The following CHEK2 variants were observed in gnomAD, a reference collection of about 807,000 sequenced individuals.
CHEK2 encodes serine/threonine-protein kinase Chk2.
CHEK2 carries 71 observed loss-of-function variants against 69.1 expected under a neutral mutation model. The ratio of observed to expected loss-of-function variants is 1.03; its 90% CI spans 0.85 to 1.25. CHEK2 has a LOEUF of 1.25. Among genes scored for constraint, CHEK2 ranks in the 50% most tolerant of loss-of-function variants. CHEK2 has a pLI of 0.00. For synonymous variants in CHEK2, 189 were observed against 226.9 expected (o/e 0.83, Z 1.50); for missense variants, 664 against 649.6 (o/e 1.02, Z -0.24).
At chr22:28,693,784 G>A (rs533792260) in intron 13 of CHEK2, among the ~76,000 whole-genome samples, 2 of 152,156 alleles carry the variant, frequency 1.3e-5, no homozygotes, top group Admixed American at 6.5e-5. Context: ...ACTTGAACCC[G>A]GGGGCCAGAG....
chr22:28,729,990 C>T (rs535422800), intron 2 of CHEK2, among the ~76,000 whole-genome samples: 4 of 151,368 alleles, frequency 2.6e-5, no homozygotes, highest in African/African-American at 9.7e-5. Context: ...CAGGCTCCTG[C>T]CACCACGCCC....
At chr22:28,734,821 A>T (rs2054346795) in intron 1 of CHEK2, 94 bp from the exon 2 acceptor site, 1 of 950,558 alleles carries the variant, frequency 1.1e-6, no homozygotes, top group Admixed American at 2.6e-5. Flanking sequence ...ACAGCAAAAG[A>T]AAAGAAAAAA....
At chr22:28,730,772 C>A (rs1458836122) in intron 2 of CHEK2, among the ~76,000 whole-genome samples, 1 of 151,992 alleles carries the variant, frequency 6.6e-6, no homozygotes, top group Non-Finnish European at 1.5e-5. Flanking sequence ...GCAGGAGAAT[C>A]GCTTGAAACC....
chr22:28,700,505 C>T (rs888312618), intron 8 of CHEK2, among the ~76,000 whole-genome samples: 11 of 152,036 alleles, frequency 7.2e-5, no homozygotes, highest in African/African-American at 2.4e-4. Context: ...CATAAGCCAC[C>T]GCACCCAGTC....
At chr22:28,699,978 A>G (rs2145846035) in intron 8 of CHEK2, 41 bp from the exon 9 acceptor site, 5 of 1,361,974 alleles carry the variant, frequency 3.7e-6, no homozygotes, top group Non-Finnish European at 4.2e-6. Context: ...TTCCTGGGGG[A>G]AAACGCACTT....
At chr22:28,711,856 G>T (rs2145947417) in intron 6 of CHEK2, 53 bp downstream of exon 6, 2 of 1,161,492 alleles carry the variant, frequency 1.7e-6, no homozygotes, top group Admixed American at 1.7e-5. Flanking sequence ...ATTATTTTGG[G>T]AAGTTATGAA....
intron 2 of CHEK2, among the ~76,000 whole-genome samples, chr22:28,728,929 G>C (rs1025829068): frequency 1.2e-4 from 18 of 151,954 alleles, no homozygotes; most frequent in African/African-American, 4.4e-4. Context: ...AGTGAAACGT[G>C]ATAGTGGGTA....
At chr22:28,696,833 T>C in intron 10 of CHEK2, 68 bp downstream of exon 10, 2 of 1,034,524 alleles carry the variant, frequency 1.9e-6, no homozygotes, top group Admixed American at 1.7e-5. Context: ...CACTTTTTAT[T>C]TGAGGAATTA....
chr22:28,692,602 C>T (rs9625533), intron 13 of CHEK2, among the ~76,000 whole-genome samples: 87,435 of 152,004 alleles, frequency 0.58, 26,112 homozygotes, highest in South Asian at 0.74. Flanking sequence ...AAGTACGGGT[C>T]GGAGGCTGGA....
At chr22:28,691,044 T>C (rs1237722026) in intron 13 of CHEK2, among the ~76,000 whole-genome samples, 3 of 151,868 alleles carry the variant, frequency 2.0e-5, no homozygotes, top group Non-Finnish European at 4.4e-5. Context: ...AGCAAGCTCA[T>C]CTGGATTCTA....
intron 1 of CHEK2, among the ~76,000 whole-genome samples, chr22:28,737,005 T>C (rs1470664717): frequency 2.0e-5 from 3 of 151,664 alleles, no homozygotes; most frequent in Non-Finnish European, 4.4e-5. Flanking sequence ...CAAAGTAACA[T>C]CCACTGCTGA....
rs587780181 is a variant in CHEK2 at position 28,734,461 on chromosome 22, C to CTCCTCAGGTTCTTGG, written c.246_260dup (p.Asp82_Glu86dup). ...ATCGAGCCCAGGGGGCAGGGGTAGG[C>CTCCTCAGGTTCTTGG]TCCTCAGGTTCTTGGTCCTCAGGTT... is the stretch of plus-strand genomic sequence containing the variant. On this transcript the variant is annotated inframe_insertion, in exon 2 of 15. Transcript: ENST00000404276. The CTCCTCAGGTTCTTGG allele has an allele frequency of 1.4e-5, 23 of 1,614,070 alleles. No individual in the cohort carries two copies. Among genetic ancestry groups the CTCCTCAGGTTCTTGG allele is most frequent in the East Asian group, 2.2e-5 (1 of 44,870 alleles).
At chr22:28,707,942 T>C (rs2053216650) in intron 7 of CHEK2, among the ~76,000 whole-genome samples, 1 of 147,356 alleles carries the variant, frequency 6.8e-6, no homozygotes. Flanking sequence ...GTTCACGCCA[T>C]TCTCCTGCCT....
chr22:28,734,822 A>AAAC, intron 1 of CHEK2, 95 bp from the exon 2 acceptor site: 3 of 950,414 alleles, frequency 3.2e-6, no homozygotes, highest in Non-Finnish European at 4.7e-6. Context: ...CAGCAAAAGA[A>AAAC]AAGAAAAAAA....
intron 8 of CHEK2, among the ~76,000 whole-genome samples, chr22:28,702,644 T>C (rs2052931770): frequency 6.6e-6 from 1 of 151,252 alleles, no homozygotes; most frequent in Non-Finnish European, 1.5e-5. Context: ...CCTCCCGGGT[T>C]CAAGCTATTC....
intron 2 of CHEK2, among the ~76,000 whole-genome samples, chr22:28,731,887 A>G (rs1040250741): frequency 6.6e-6 from 1 of 151,704 alleles, no homozygotes; most frequent in Non-Finnish European, 1.5e-5. Context: ...CACCATTTCT[A>G]TTTCTCACTC....
intron 13 of CHEK2, among the ~76,000 whole-genome samples, chr22:28,692,092 A>G (rs1268929392): frequency 6.6e-6 from 1 of 152,192 alleles, no homozygotes. Flanking sequence ...TTGGTTGTTA[A>G]TAAGTTTTCT....
intron 8 of CHEK2, among the ~76,000 whole-genome samples, chr22:28,702,442 G>A (rs1274793940): frequency 6.6e-6 from 1 of 150,552 alleles, no homozygotes; most frequent in Non-Finnish European, 1.5e-5. Flanking sequence ...GTTTCACCGT[G>A]TTAGCCAGGA....
At chr22:28,688,314 C>A (rs934875814) in intron 14 of CHEK2, among the ~76,000 whole-genome samples, 1 of 152,166 alleles carries the variant, frequency 6.6e-6, no homozygotes, top group African/African-American at 2.4e-5. Flanking sequence ...AGTTGAAGCC[C>A]CAAGTCTTGG....
Sources: gnomAD v4.1 joint callset for allele counts (sites outside exome capture counted in the v4.1 genomes callset) on GRCh38, gnomAD v4.1.1 for gene constraint, MANE v1.5 for transcripts, NCBI Gene and HGNC (gene_info 2026-07-23, HGNC 2026-07-21) for gene names.